Variants in LDLRAD3 observed in about 807,000 individuals in gnomAD.
LDLRAD3 encodes low density lipoprotein receptor class A domain containing 3.
A neutral mutation model predicts 29.4 loss-of-function variants in LDLRAD3; 20 were observed. The observed-to-expected ratio is 0.68, with a 90% CI of 0.48 to 0.99. The LOEUF (loss-of-function observed/expected upper bound fraction) is 0.99, where lower values mean the gene tolerates loss of function less well. Ranked by LOEUF, LDLRAD3 falls within the 50% of genes least tolerant of loss-of-function variation. The pLI, the probability that LDLRAD3 is intolerant of heterozygous loss-of-function variation, is 0.00. For synonymous variants in LDLRAD3, 157 were observed against 192.7 expected, an observed-to-expected ratio of 0.81 and a Z score of 1.53; for missense variants, 420 against 454.3, an observed-to-expected ratio of 0.92 and a Z score of 0.69.
At chr11:35,945,429 T>C (rs1565114871) in intron 1 of LDLRAD3, among the ~76,000 whole-genome samples, 1 of 152,174 alleles carries the variant, frequency 6.6e-6, no homozygotes, top group Non-Finnish European at 1.5e-5. Context: ...TAGATGCTTA[T>C]GGGTTTGCTG....
chr11:36,199,028 G>A (rs1590349844), intron 4 of LDLRAD3, among the ~76,000 whole-genome samples: 1 of 152,130 alleles, frequency 6.6e-6, no homozygotes, highest in Non-Finnish European at 1.5e-5. Context: ...AGCCTCCCAA[G>A]TAGCTGGGAC....
chr11:36,092,770 A>G (rs1853302571), intron 3 of LDLRAD3, among the ~76,000 whole-genome samples: 1 of 152,232 alleles, frequency 6.6e-6, no homozygotes, highest in South Asian at 2.1e-4. Context: ...ACGTAAATGG[A>G]GAAGCCATAG....
At chr11:36,101,799 A>G (rs1315388440) in intron 4 of LDLRAD3, 3 of 256,488 alleles carry the variant, frequency 1.2e-5, no homozygotes, top group Non-Finnish European at 2.3e-5. Context: ...ACTGAGCTCT[A>G]TGCAGTATTT....
intron 4 of LDLRAD3, among the ~76,000 whole-genome samples, chr11:36,204,581 G>A (rs557757119): frequency 4.0e-5 from 6 of 151,206 alleles, no homozygotes; most frequent in Non-Finnish European, 7.4e-5. Context: ...TCCACCTCCC[G>A]GGTTTAAGCG....
chr11:36,118,094 T>C (rs1853699588), intron 4 of LDLRAD3, among the ~76,000 whole-genome samples: 1 of 152,142 alleles, frequency 6.6e-6, no homozygotes, highest in Non-Finnish European at 1.5e-5. Flanking sequence ...GAGATGTGAT[T>C]GGCATTTAAT....
intron 4 of LDLRAD3, among the ~76,000 whole-genome samples, chr11:36,131,562 C>G (rs565404408): frequency 2.8e-4 from 43 of 152,236 alleles, no homozygotes; most frequent in African/African-American, 1.0e-3. Flanking sequence ...TATACTATTC[C>G]TATTATTGGG....
At chr11:36,117,953 G>A (rs1853697831) in intron 4 of LDLRAD3, among the ~76,000 whole-genome samples, 1 of 152,222 alleles carries the variant, frequency 6.6e-6, no homozygotes, top group Non-Finnish European at 1.5e-5. Context: ...GGTGTGTTTG[G>A]AGCTAGAAGA....
At position 36,036,137 on chromosome 11, in the gene LDLRAD3, T is replaced by C. The variant is rs1852301314; in HGVS notation, c.81T>C (p.Asn27=). The C allele has an allele frequency of 6.2e-7, 1 of 1,614,058 alleles. No individual in the cohort carries two copies. The highest frequency in any genetic ancestry group is 8.5e-7 in the Non-Finnish European group (1 of 1,179,960). ...SQLLPGNNFT[N]ECNIPGNFMC... is the part of the protein sequence containing the mutation. ...TGCTCCCCGGGAACAACTTCACCAA[T>C]GAGTGCAACATACCAGGCAACTTCA... The change falls in exon 2 of 6, where the codon AAT becomes AAC. Residue 27 remains asparagine, a synonymous_variant. Transcript: ENST00000315571.
chr11:36,170,242 GTGTGTA>G (rs1453889562), intron 4 of LDLRAD3, among the ~76,000 whole-genome samples: 1 of 148,916 alleles, frequency 6.7e-6, no homozygotes, highest in African/African-American at 2.5e-5. Flanking sequence ...GTGTGTATGT[GTGTGTA>G]TATATATATA....
At chr11:36,057,520 T>G (rs376463297) in intron 2 of LDLRAD3, among the ~76,000 whole-genome samples, 1 of 152,172 alleles carries the variant, frequency 6.6e-6, no homozygotes, top group Non-Finnish European at 1.5e-5. Context: ...TCCACAGTAA[T>G]GTTTTGCTCC....
chr11:36,038,590 A>C lies in LDLRAD3; in HGVS notation c.193+2341A>C, dbSNP rs111320779. Among the ~76,000 whole-genome samples the C allele has an allele frequency of 9.1e-3, 1,379 of 152,302 alleles. 8 individuals are homozygous for C. The highest frequency in any genetic ancestry group is 0.027 in the Middle Eastern group (8 of 294). ...TTCTGTGTCCTGTCACTCCAGTCTC[A>C]TGATTTTAGAATTCATGCTCAAACT... On this transcript the variant is annotated intron_variant, in intron 2 of 5. Coordinates refer to ENST00000315571, the MANE Select transcript of LDLRAD3 (RefSeq NM_174902.4).
At chr11:36,000,309 C>T (rs1443195279) in intron 1 of LDLRAD3, among the ~76,000 whole-genome samples, 1 of 149,314 alleles carries the variant, frequency 6.7e-6, no homozygotes, top group African/African-American at 2.5e-5. Flanking sequence ...TAAATACACA[C>T]CATGTATAGT....
At chr11:36,194,237 G>A (rs1854998871) in intron 4 of LDLRAD3, among the ~76,000 whole-genome samples, 1 of 152,152 alleles carries the variant, frequency 6.6e-6, no homozygotes, top group Admixed American at 6.5e-5. Context: ...AGTCTCAGCA[G>A]TTTCAAACAA....
intron 2 of LDLRAD3, among the ~76,000 whole-genome samples, chr11:36,049,732 C>T (rs191209618): frequency 6.6e-6 from 1 of 152,272 alleles, no homozygotes; most frequent in East Asian, 1.9e-4. Context: ...TGTTCTATAG[C>T]ACTGCAGAGC....
intron 4 of LDLRAD3, among the ~76,000 whole-genome samples, chr11:36,164,661 A>G (rs1387813188): frequency 1.3e-5 from 2 of 152,224 alleles, no homozygotes; most frequent in Non-Finnish European, 2.9e-5. Flanking sequence ...TGGAGTGTCT[A>G]TGACAGCTAT....
rs1163321271 is a variant in LDLRAD3 at position 35,944,559 on chromosome 11, C to T, written c.46+415C>T. On this transcript the variant is annotated intron_variant, in intron 1 of 5. Transcript: ENST00000315571. The surrounding 1 kb of genome is among the most constrained non-coding windows in gnomAD (Gnocchi z 4.9). ...ATCTTCCCAGACGCCTGGTCGCGCG[C>T]GGCTGCGTTAGCCTCCTCTGGGCCT... 6.6e-6 allele frequency among the ~76,000 whole-genome samples: 1 copy of T among 152,168 alleles called. No homozygotes were observed. Among genetic ancestry groups the T allele is most frequent in the Non-Finnish European group, 1.5e-5 (1 of 68,026 alleles).
At chr11:36,025,840 C>T (rs1361745421) in intron 1 of LDLRAD3, among the ~76,000 whole-genome samples, 1 of 138,642 alleles carries the variant, frequency 7.2e-6, no homozygotes, top group Non-Finnish European at 1.5e-5. Flanking sequence ...AGTGCAGTGG[C>T]ATGATCTTGG....
intron 4 of LDLRAD3, among the ~76,000 whole-genome samples, chr11:36,164,581 C>T (rs1035215346): frequency 6.6e-6 from 1 of 152,256 alleles, no homozygotes; most frequent in African/African-American, 2.4e-5. Context: ...TAATCCATGT[C>T]TGTCCATCCG....
At chr11:36,192,715 T>C (rs1264889416) in intron 4 of LDLRAD3, among the ~76,000 whole-genome samples, 1 of 152,134 alleles carries the variant, frequency 6.6e-6, no homozygotes, top group African/African-American at 2.4e-5. Context: ...CATTACAAAC[T>C]CCAAATGCAG....
Sources: allele counts gnomAD v4.1 joint callset (sites outside exome capture counted in the v4.1 genomes callset), GRCh38; gene constraint gnomAD v4.1.1; non-coding constraint Gnocchi (gnomAD v3.1); transcripts MANE v1.5; gene names NCBI Gene and HGNC (gene_info 2026-07-23, HGNC 2026-07-21).